The following ARHGAP39 variants were observed in gnomAD, a reference collection of about 807,000 sequenced individuals.
ARHGAP39 encodes Rho GTPase activating protein 39, also known as rho GTPase-activating protein 39.
A neutral mutation model predicts 106.9 loss-of-function variants in ARHGAP39; 44 were observed. The ratio of observed to expected loss-of-function variants is 0.41; its 90% CI spans 0.32 to 0.53. ARHGAP39 has a LOEUF of 0.53. Ranked by LOEUF, ARHGAP39 falls within the 20% of genes least tolerant of loss-of-function variation. The pLI, the probability that ARHGAP39 is intolerant of heterozygous loss-of-function variation, is 0.21. For missense variants in ARHGAP39, 1,496 were observed against 1,577.3 expected (o/e 0.95, Z 0.87); for synonymous variants, 768 against 693.2 (o/e 1.11, Z -1.69).
intron 1 of ARHGAP39, among the ~76,000 whole-genome samples, chr8:144,637,130 T>C (rs941009044): frequency 6.6e-6 from 1 of 152,232 alleles, no homozygotes; most frequent in Non-Finnish European, 1.5e-5. Context: ...CTTTCTCTCA[T>C]TGATGTTTCT....
intron 2 of ARHGAP39, among the ~76,000 whole-genome samples, chr8:144,587,897 C>A (rs867011136): frequency 6.6e-6 from 1 of 152,190 alleles, no homozygotes; most frequent in Non-Finnish European, 1.5e-5. Flanking sequence ...CCCGCTTTGG[C>A]CTCCCAAAGT....
At chr8:144,694,332 G>A in the ARHGAP39 span, among the ~76,000 whole-genome samples, 2 of 152,144 alleles carry the variant, frequency 1.3e-5, no homozygotes, top group East Asian at 3.9e-4. Flanking sequence ...CAAGAGGTTG[G>A]GTAATGAACG....
At chr8:144,582,190 C>A (rs745609208) in intron 2 of ARHGAP39, among the ~76,000 whole-genome samples, 9 of 152,212 alleles carry the variant, frequency 5.9e-5, no homozygotes, top group Non-Finnish European at 1.2e-4. Flanking sequence ...GGCCCAGACA[C>A]GGGCTAGTGG....
At position 144,644,587 on chromosome 8, in the gene ARHGAP39, C is replaced by A. The variant is rs1310548463; in HGVS notation, c.-81-38892G>T. On this transcript the variant is annotated intron_variant, in intron 1 of 11. Coordinates refer to ENST00000377307, the MANE Select transcript of ARHGAP39 (RefSeq NM_025251.3). This position sits in a 1 kb window ranked among gnomAD's most constrained non-coding sequence, Gnocchi z 4.8. ...CTGCCAAATGCACGCCGGCTCGTGG[C>A]GGCACCCCTTCCGGCTTCCACCATG... is the stretch of plus-strand genomic sequence containing the variant. 6.6e-6 allele frequency among the ~76,000 whole-genome samples: 1 copy of A among 152,228 alleles called. No individual in the cohort carries two copies. Among genetic ancestry groups the A allele is most frequent in the Non-Finnish European group, 1.5e-5 (1 of 68,040 alleles).
chr8:144,588,536 C>T (rs1229042790), intron 2 of ARHGAP39, among the ~76,000 whole-genome samples: 1 of 152,322 alleles, frequency 6.6e-6, no homozygotes, highest in South Asian at 2.1e-4. Context: ...CTGTGGGGAC[C>T]GCGGAGAGCG....
intron 2 of ARHGAP39, among the ~76,000 whole-genome samples, chr8:144,588,740 C>A (rs1309296380): frequency 6.6e-6 from 1 of 152,264 alleles, no homozygotes; most frequent in African/African-American, 2.4e-5. Flanking sequence ...GGGAACACAG[C>A]AAAGCCTCAG....
At position 144,646,344 on chromosome 8, in the gene ARHGAP39, G is replaced by A. The variant is rs1007335388; in HGVS notation, c.-82+39342C>T. 2.0e-5 allele frequency among the ~76,000 whole-genome samples: 3 copies of A among 152,222 alleles called. No individual in the cohort carries two copies. Among genetic ancestry groups the A allele is most frequent in the African/African-American group, 7.2e-5 (3 of 41,446 alleles). On this transcript the variant is annotated intron_variant, in intron 1 of 11. Coordinates refer to ENST00000377307, the MANE Select transcript of ARHGAP39 (RefSeq NM_025251.3). The surrounding 1 kb of genome is among the most constrained non-coding windows in gnomAD (Gnocchi z 5.7). The stretch of plus-strand genomic sequence containing the variant: ...ATAAAAGTGGTACTGGGAGTTGGCA[G>A]GAACAGAGAGCGGGAGGGGAGGGAG...
intron 1 of ARHGAP39, among the ~76,000 whole-genome samples, chr8:144,662,668 T>A (rs1216003349): frequency 7.5e-6 from 1 of 133,976 alleles, no homozygotes. Context: ...CTCCTCCCCA[T>A]TATCCGCTTT....
At chr8:144,651,762 A>G (rs1821580318) in intron 1 of ARHGAP39, among the ~76,000 whole-genome samples, 1 of 152,180 alleles carries the variant, frequency 6.6e-6, no homozygotes, top group African/African-American at 2.4e-5. Flanking sequence ...GAGTCCAAAT[A>G]GATAAGGCAA....
intron 1 of ARHGAP39, among the ~76,000 whole-genome samples, chr8:144,611,748 G>T (rs1039756612): frequency 6.6e-6 from 1 of 152,090 alleles, no homozygotes; most frequent in South Asian, 2.1e-4. Context: ...AGGCACAGTA[G>T]CTCATGTCTA....
chr8:144,687,612 TCCCACCCCGTGACC>T (rs1822645625), upstream of ARHGAP39, among the ~76,000 whole-genome samples: 1 of 64,846 alleles, frequency 1.5e-5, no homozygotes, highest in East Asian at 5.0e-4. Flanking sequence ...GGTGAGCACT[TCCCACCCCGTGACC>T]ACACACTGGC....
chr8:144,597,894 G>A (rs535013566), intron 2 of ARHGAP39, among the ~76,000 whole-genome samples: 13 of 152,266 alleles, frequency 8.5e-5, no homozygotes, highest in East Asian at 1.9e-4. Flanking sequence ...AACGGTACCC[G>A]GAACAGACAG....
intron 2 of ARHGAP39, among the ~76,000 whole-genome samples, chr8:144,603,625 G>C (rs537673082): frequency 6.6e-6 from 1 of 150,544 alleles, no homozygotes; most frequent in African/African-American, 2.5e-5. Context: ...GGGAGGCGGA[G>C]CTTGCATTGA....
intron 4 of ARHGAP39, among the ~76,000 whole-genome samples, chr8:144,550,883 G>T (rs1817664907): frequency 1.3e-5 from 2 of 152,206 alleles, no homozygotes; most frequent in Non-Finnish European, 2.9e-5. Flanking sequence ...GGGAGATCGG[G>T]GGTTGAACTC....
Position 144,678,892 on chromosome 8 carries a change from G to A in ARHGAP39, c.-82+6794C>T, listed in dbSNP as rs184857657. Among the ~76,000 whole-genome samples, 403 of 152,238 alleles carry A rather than the reference G, an allele frequency of 2.6e-3. 3 individuals are homozygous for A. The highest frequency in any genetic ancestry group is 9.2e-3 in the African/African-American group (380 of 41,526). On this transcript the variant is annotated intron_variant, in intron 1 of 11. Transcript: ENST00000377307. ...GGAGTGGCTCAAGGCTGGGGCAGGA[G>A]AGCCCCAGGAGGTACAGCGTAGTGC...
At chr8:144,600,651 G>A (rs71520582) in intron 2 of ARHGAP39, among the ~76,000 whole-genome samples, 1 of 150,218 alleles carries the variant, frequency 6.7e-6, no homozygotes, top group Non-Finnish European at 1.5e-5. Flanking sequence ...CGTGTGCATG[G>A]AGGTGTGCGT....
intron 1 of ARHGAP39, among the ~76,000 whole-genome samples, chr8:144,642,911 G>T (rs1169249634): frequency 6.6e-6 from 1 of 152,172 alleles, no homozygotes; most frequent in African/African-American, 2.4e-5. Context: ...TACTTGGGAG[G>T]CTGAGGCAGG....
intron 3 of ARHGAP39, among the ~76,000 whole-genome samples, chr8:144,560,915 TAC>T (rs1818118579): frequency 6.6e-6 from 1 of 152,262 alleles, no homozygotes; most frequent in Non-Finnish European, 1.5e-5. Flanking sequence ...AAATGACCCT[TAC>T]ACTAACGTAT....
chr8:144,574,317 T>G (rs1232629940), intron 3 of ARHGAP39, among the ~76,000 whole-genome samples: 1 of 151,970 alleles, frequency 6.6e-6, no homozygotes, highest in Non-Finnish European at 1.5e-5. Flanking sequence ...GGAGGATCAC[T>G]TGAGGCCAGG....
Sources: allele counts gnomAD v4.1 joint callset (sites outside exome capture counted in the v4.1 genomes callset), GRCh38; gene constraint gnomAD v4.1.1; non-coding constraint Gnocchi (gnomAD v3.1); transcripts MANE v1.5; gene names NCBI Gene and HGNC (gene_info 2026-07-23, HGNC 2026-07-21).